Variants in SLC7A5 observed in about 807,000 individuals in gnomAD.
SLC7A5 encodes the protein large neutral amino acids transporter small subunit 1.
In SLC7A5, 23 loss-of-function variants were observed where a neutral mutation model predicts 50.2. The observed-to-expected ratio is 0.46, with a 90% confidence interval of 0.33 to 0.65. The LOEUF (loss-of-function observed/expected upper bound fraction) is 0.65, where lower values mean the gene tolerates loss of function less well. Among genes scored for constraint, SLC7A5 ranks in the 30% least tolerant of loss-of-function variants. The pLI, the probability that SLC7A5 is intolerant of heterozygous loss-of-function variation, is 0.02. For missense variants in SLC7A5, 578 were observed against 684.4 expected (o/e 0.84, Z 1.73); for synonymous variants, 393 against 330.6 (o/e 1.19, Z -2.05).
chr16:87,837,759 A>G, intron 7 of SLC7A5, 86 bp downstream of exon 7: 2 of 1,101,988 alleles, frequency 1.8e-6, no homozygotes, highest in South Asian at 2.7e-5. Context: ...CACCCCAGAC[A>G]GAGCTGCAAG....
intron 1 of SLC7A5, among the ~76,000 whole-genome samples, chr16:87,864,064 G>T (rs1739211377): frequency 7.0e-6 from 1 of 143,290 alleles, no homozygotes; most frequent in African/African-American, 2.5e-5. Context: ...GGCCGAGGTG[G>T]GCGGATCACC....
intron 2 of SLC7A5, among the ~76,000 whole-genome samples, chr16:87,842,589 T>C (rs930572460): frequency 6.6e-6 from 1 of 152,238 alleles, no homozygotes; most frequent in African/African-American, 2.4e-5. Context: ...GCGTGCTGGA[T>C]GCCTGCGGCT....
In SLC7A5 at chr16:87,845,181, G is replaced by A. The variant is rs573035745; in HGVS notation, c.665-4026C>T. On this transcript the variant is annotated intron_variant, in intron 2 of 9. Transcript: ENST00000261622. ...CATGAGGGGCCAACCGTGCCACCCAGGGGAGACCTCCCGGCTTCTCAGTGC... is the reference window on the plus strand; with the variant it reads ...CATGAGGGGCCAACCGTGCCACCCAAGGGAGACCTCCCGGCTTCTCAGTGC... Among the ~76,000 whole-genome samples, 98 of 128,920 alleles carry A rather than the reference G, an allele frequency of 7.6e-4. 1 individual carries two copies. The South Asian group carries it at 0.023, about 31-fold the overall frequency. 84.6% of individuals were successfully genotyped at this position (128,920 alleles called of 152,430 possible). A position where few individuals can be genotyped will look rare whatever the true frequency, so the allele number is the denominator to read the frequency against.
chr16:87,833,561 C>G lies in SLC7A5; in HGVS notation c.1469-536G>C, dbSNP rs530089424. ...TTTAAGCTCTTGGTGTCCTGAATGA[C>G]AGTTAATGCAGATCCCACTGCAAAG... On this transcript the variant is annotated intron_variant, in intron 9 of 9. Coordinates refer to ENST00000261622, the MANE Select transcript of SLC7A5 (RefSeq NM_003486.7). This position sits in a 1 kb window ranked among gnomAD's most constrained non-coding sequence, Gnocchi z 6.0. 3.3e-5 allele frequency among the ~76,000 whole-genome samples: 5 copies of G among 152,330 alleles called. No homozygotes were observed. Among genetic ancestry groups the G allele is most frequent in the Admixed American group, 3.3e-4 (5 of 15,306 alleles).
chr16:87,844,589 G>A (rs978317376), intron 2 of SLC7A5, among the ~76,000 whole-genome samples: 1 of 152,232 alleles, frequency 6.6e-6, no homozygotes, highest in African/African-American at 2.4e-5. Flanking sequence ...TCTGGCTCCT[G>A]ACTCAGAGGA....
At chr16:87,863,268 C>A (rs2055421329) in intron 1 of SLC7A5, among the ~76,000 whole-genome samples, 1 of 152,170 alleles carries the variant, frequency 6.6e-6, no homozygotes, top group African/African-American at 2.4e-5. Context: ...ATCTTCTGAA[C>A]CTGTGAGTTC....
At position 87,861,539 on chromosome 16, in the gene SLC7A5, C is replaced by T. The variant is rs1021173623; in HGVS notation, c.538+7346G>A. Reference sequence around the variant, plus strand: ...GCTGTAAATTGGGGATTATCACTGGCTTCAAAGGCTGGAGTGCAAAGTGGT... The same window carrying T: ...GCTGTAAATTGGGGATTATCACTGGTTTCAAAGGCTGGAGTGCAAAGTGGT... On this transcript the variant is annotated intron_variant, in intron 1 of 9. Coordinates refer to ENST00000261622, the MANE Select transcript of SLC7A5 (RefSeq NM_003486.7). This position sits in a 1 kb window ranked among gnomAD's most constrained non-coding sequence, Gnocchi z 4.2. Among the ~76,000 whole-genome samples, 59 of 152,292 alleles carry T rather than the reference C, an allele frequency of 3.9e-4. No homozygotes were observed. Among genetic ancestry groups the T allele is most frequent in the African/African-American group, 1.2e-3 (51 of 41,566 alleles).
rs1242453168 is a variant in SLC7A5 at position 87,833,011 on chromosome 16, G to A, written c.1483C>T (p.Leu495=). 1 of 1,613,878 alleles carries A rather than the reference G, an allele frequency of 6.2e-7. No homozygotes were observed. Among genetic ancestry groups the A allele is most frequent in the Non-Finnish European group, 8.5e-7 (1 of 1,179,876 alleles). The change falls in exon 10 of 10, where the codon CTG becomes TTG. Residue 495 remains leucine, a synonymous_variant. Coordinates refer to ENST00000261622, the MANE Select transcript of SLC7A5 (RefSeq NM_003486.7). This position sits in a 1 kb window ranked among gnomAD's most constrained non-coding sequence, Gnocchi z 6.0. ...ACCACCTGCATGAGCTTCTGACACA[G>A]GACGGTCGTGGAGACTGTCAGGAGA... ...LLQGIFSTTV[L]CQKLMQVVPQ...
rs1223687093 is a variant in SLC7A5 at position 87,860,728 on chromosome 16, C to G, written c.538+8157G>C. ...AGTAGTGACAGATGCTGGCCCACCCCGAGGTCAGGATGACTCAGCAGGGAT... is the reference window on the plus strand; with the variant it reads ...AGTAGTGACAGATGCTGGCCCACCCGGAGGTCAGGATGACTCAGCAGGGAT... On this transcript the variant is annotated intron_variant, in intron 1 of 9. Transcript: ENST00000261622. This position sits in a 1 kb window ranked among gnomAD's most constrained non-coding sequence, Gnocchi z 4.8. Among the ~76,000 whole-genome samples, 1 of 152,224 alleles carries G rather than the reference C, an allele frequency of 6.6e-6. No individual in the cohort carries two copies. Among genetic ancestry groups the G allele is most frequent in the South Asian group, 2.1e-4 (1 of 4,836 alleles).
chr16:87,838,837 G>A lies in SLC7A5; in HGVS notation c.940-20C>T, dbSNP rs375837577. The A allele has an allele frequency of 3.8e-6, 6 of 1,595,556 alleles. No individual in the cohort carries two copies. Among genetic ancestry groups the A allele is most frequent in the East Asian group, 2.2e-5 (1 of 44,772 alleles). ...GAAGTCCTAGGCAGGCACAACCAGT[G>A]AGCTGGGCCCCACCGGGCCGGCCCT... is the stretch of plus-strand genomic sequence containing the variant. On this transcript the variant is annotated intron_variant, in intron 5 of 9. Coordinates refer to ENST00000261622, the MANE Select transcript of SLC7A5 (RefSeq NM_003486.7).
Position 87,841,710 on chromosome 16 carries a change from C to T in SLC7A5, c.665-555G>A, listed in dbSNP as rs1022627969. ...TGCTGAGTGTGTGGCCAGCTGCAGC[C>T]GGGGCAGGGGCAGGAGCAGGGCTGC... On this transcript the variant is annotated intron_variant, in intron 2 of 9. Transcript: ENST00000261622. The surrounding 1 kb of genome is among the most constrained non-coding windows in gnomAD (Gnocchi z 4.8). Among the ~76,000 whole-genome samples the T allele has an allele frequency of 6.6e-6, 1 of 152,162 alleles. No individual in the cohort carries two copies. Among genetic ancestry groups the T allele is most frequent in the East Asian group, 1.9e-4 (1 of 5,190 alleles).
chr16:87,839,765 G>A lies in SLC7A5; in HGVS notation c.876C>T (p.Thr292=). 2 of 1,613,930 alleles carry A rather than the reference G, an allele frequency of 1.2e-6. No individual in the cohort carries two copies. The highest frequency in any genetic ancestry group is 1.7e-6 in the Non-Finnish European group (2 of 1,179,986). The change falls in exon 5 of 10, where the codon ACC becomes ACT. Residue 292 remains threonine, a synonymous_variant. Coordinates refer to ENST00000261622, the MANE Select transcript of SLC7A5 (RefSeq NM_003486.7). ...ACAGGGTGGTGAAGTAGGCCAGGTTGGTCAGCACGTACACCAGCGTCACGA... is the reference window on the plus strand; with the variant it reads ...ACAGGGTGGTGAAGTAGGCCAGGTTAGTCAGCACGTACACCAGCGTCACGA... ...LPIVTLVYVL[T]NLAYFTTLST...
chr16:87,831,307 A>G lies in SLC7A5; in HGVS notation c.*1663T>C, dbSNP rs2054932453. On this transcript the variant is annotated 3_prime_UTR_variant, in exon 10 of 10. Transcript: ENST00000261622. ...GAAGCAACGGGGCAGGGGTGAATAAAGGTCTTCATTCCTCAAGCAAGAGAG... is the reference window on the plus strand; with the variant it reads ...GAAGCAACGGGGCAGGGGTGAATAAGGGTCTTCATTCCTCAAGCAAGAGAG... 6.6e-6 allele frequency: 1 copy of G among 152,286 alleles called. No individual in the cohort carries two copies. The highest frequency in any genetic ancestry group is 2.4e-5 in the African/African-American group (1 of 41,446). 9.4% of individuals were successfully genotyped at this position (152,286 alleles called of 1,614,324 possible).
chr16:87,839,543 GACC>G (rs2055056786), intron 5 of SLC7A5, among the ~76,000 whole-genome samples, 156 bp downstream of exon 5: 1 of 152,160 alleles, frequency 6.6e-6, no homozygotes, highest in African/African-American at 2.4e-5. Context: ...TGTGAGGGGA[GACC>G]ACCACTCCAC....
intron 8 of SLC7A5, among the ~76,000 whole-genome samples, chr16:87,836,259 C>T (rs868477987): frequency 2.6e-5 from 4 of 152,270 alleles, no homozygotes; most frequent in Admixed American, 1.3e-4. Context: ...CTCCACCCAA[C>T]GGAGCACAAG....
intron 5 of SLC7A5, among the ~76,000 whole-genome samples, chr16:87,839,364 A>G (rs2055054753): frequency 6.6e-6 from 1 of 152,164 alleles, no homozygotes; most frequent in African/African-American, 2.4e-5. Flanking sequence ...GCAGACTCCA[A>G]TCTTTCTGTA....
In SLC7A5 at chr16:87,836,568, C is replaced by G. The variant is rs779196416; in HGVS notation, c.1220G>C (p.Cys407Ser). 3.7e-6 allele frequency: 6 copies of G among 1,613,774 alleles called. No individual in the cohort carries two copies. Among genetic ancestry groups the G allele is most frequent in the Non-Finnish European group, 5.1e-6 (6 of 1,180,026 alleles). ...INFFSFFNWL[C>S]VALAIIGMIW... ...CATGCCGATGATGGCCAGGGCCACG[C>G]AGAGCCAGTTGAAGAAGCTGAAGAA... Residue 407 changes from cysteine (C) to serine (S), a missense_variant, in exon 8 of 10, where the codon TGC becomes TCC. Cys to Ser is a moderately radical substitution (Grantham distance 112). This residue lies in a region of SLC7A5 where 465 missense variants were observed against 594.6 expected (regional missense o/e 0.78). Transcript: ENST00000261622.
chr16:87,836,417 G>T, intron 8 of SLC7A5, 81 bp downstream of exon 8: 1 of 1,505,672 alleles, frequency 6.6e-7, no homozygotes, highest in South Asian at 1.1e-5. Flanking sequence ...TGGGATGCTG[G>T]CTCCCAACTC....
chr16:87,843,301 G>C (rs1326589569), intron 2 of SLC7A5, among the ~76,000 whole-genome samples: 1 of 145,542 alleles, frequency 6.9e-6, no homozygotes, highest in African/African-American at 2.5e-5. Flanking sequence ...ATGGTATGAG[G>C]TCTTCAGTCA....
Sources: allele counts gnomAD v4.1 joint callset (sites outside exome capture counted in the v4.1 genomes callset), GRCh38; gene constraint gnomAD v4.1.1; regional missense constraint gnomAD v4.1.1; non-coding constraint Gnocchi (gnomAD v3.1); transcripts MANE v1.5; gene names NCBI Gene and HGNC (gene_info 2026-07-23, HGNC 2026-07-21).